The following NRG3 variants were observed in gnomAD, a reference collection of about 807,000 sequenced individuals.
The protein encoded by NRG3 is neuregulin 3, also known as pro-neuregulin-3, membrane-bound isoform.
Under a neutral mutation model 66.9 loss-of-function variants are expected in NRG3, and 31 were observed. The observed-to-expected ratio is 0.46, with a 90% CI of 0.35 to 0.63. NRG3 has a LOEUF of 0.63. Ranked by LOEUF, NRG3 falls within the 20% of genes least tolerant of loss-of-function variation. The pLI is 0.00. For missense variants in NRG3, 910 were observed against 878.9 expected (o/e 1.04, Z -0.45); for synonymous variants, 393 against 359.4 (o/e 1.09, Z -1.06).
chr10:82,536,131 C>T (rs1454500495), intron 2 of NRG3, among the ~76,000 whole-genome samples: 1 of 152,154 alleles, frequency 6.6e-6, no homozygotes, highest in Admixed American at 6.5e-5. Context: ...ATCAGTTACA[C>T]TCTAATAATT....
chr10:82,829,709 G>A (rs1168237322), intron 3 of NRG3, among the ~76,000 whole-genome samples: 2 of 152,180 alleles, frequency 1.3e-5, no homozygotes, highest in Non-Finnish European at 2.9e-5. Flanking sequence ...GTAACCTAGA[G>A]ATGAATATCG....
intron 1 of NRG3, among the ~76,000 whole-genome samples, chr10:82,202,917 A>G (rs1394625073): frequency 6.6e-6 from 1 of 152,220 alleles, no homozygotes; most frequent in Non-Finnish European, 1.5e-5. Flanking sequence ...TCCCTTAGCA[A>G]AAAAGCACAT....
chr10:82,367,733 G>A (rs879350608), intron 2 of NRG3, among the ~76,000 whole-genome samples: 5 of 152,018 alleles, frequency 3.3e-5, no homozygotes, highest in African/African-American at 9.7e-5. Flanking sequence ...GGTGGCTCAC[G>A]CTTGTAATCC....
chr10:82,475,953 T>G (rs1193811159), intron 2 of NRG3, among the ~76,000 whole-genome samples: 1 of 152,136 alleles, frequency 6.6e-6, no homozygotes, highest in Admixed American at 6.5e-5. Context: ...GATAAGCAGT[T>G]AAGGTCCAAA....
chr10:82,267,057 G>A (rs1421853920), intron 1 of NRG3, among the ~76,000 whole-genome samples: 2 of 152,130 alleles, frequency 1.3e-5, no homozygotes, highest in African/African-American at 4.8e-5. Context: ...TGGCTTCAGT[G>A]TTTTTCAAAA....
rs1312201563 is a variant in NRG3 at position 81,938,969 on chromosome 10, G to A, written c.823+62806G>A. Among the ~76,000 whole-genome samples, 4 of 151,990 alleles carry A rather than the reference G, an allele frequency of 2.6e-5. No homozygotes were observed. In the East Asian group the frequency reaches 7.7e-4, roughly 29 times the overall value. ...TTTGTTGAGCGTTTTTATCATGAAA[G>A]GGTACTTAATTTTGTCAAATTCTTT... On this transcript the variant is annotated intron_variant, in intron 1 of 8. Coordinates refer to ENST00000372141, the MANE Select transcript of NRG3 (RefSeq NM_001010848.4).
At chr10:82,770,097 T>G (rs2059659518) in intron 3 of NRG3, among the ~76,000 whole-genome samples, 1 of 152,238 alleles carries the variant, frequency 6.6e-6, no homozygotes, top group South Asian at 2.1e-4. Flanking sequence ...AAATGAGTCA[T>G]TATATTATTC....
chr10:81,965,032 A>G (rs2059679307), intron 1 of NRG3, among the ~76,000 whole-genome samples: 1 of 152,208 alleles, frequency 6.6e-6, no homozygotes, highest in African/African-American at 2.4e-5. Context: ...ATTTAATACA[A>G]AATATATACC....
intron 3 of NRG3, among the ~76,000 whole-genome samples, chr10:82,860,618 C>G (rs763008694): frequency 6.6e-6 from 1 of 152,140 alleles, no homozygotes; most frequent in Non-Finnish European, 1.5e-5. Flanking sequence ...GTTCCTGGTA[C>G]GCAGTAAGTG....
At chr10:82,860,329 A>G (rs1336917155) in intron 3 of NRG3, among the ~76,000 whole-genome samples, 1 of 152,198 alleles carries the variant, frequency 6.6e-6, no homozygotes, top group East Asian at 1.9e-4. Context: ...ACTTGAAAGC[A>G]ACTTGTTCTC....
chr10:82,131,388 C>T (rs1188219965), intron 1 of NRG3, among the ~76,000 whole-genome samples: 1 of 152,028 alleles, frequency 6.6e-6, no homozygotes. Flanking sequence ...TATTCTGTTC[C>T]ATTAGTCTAT....
intron 2 of NRG3, among the ~76,000 whole-genome samples, chr10:82,545,471 C>T (rs1449830583): frequency 6.6e-6 from 1 of 150,924 alleles, no homozygotes; most frequent in African/African-American, 2.4e-5. Flanking sequence ...CTCAGCCTCC[C>T]GGGTTCACGC....
In NRG3 at chr10:82,243,661, C is replaced by T. The variant is rs573774125; in HGVS notation, c.824-115078C>T. Among the ~76,000 whole-genome samples, 9 of 152,258 alleles carry T rather than the reference C, an allele frequency of 5.9e-5. No individual in the cohort carries two copies. The East Asian group carries it at 1.5e-3, about 26-fold the overall frequency. ...ATAACTATCTTTCGGTCTGAATTGT[C>T]ATGATTATATAAAGGTTAAGTAAAT... On this transcript the variant is annotated intron_variant, in intron 1 of 8. Coordinates refer to ENST00000372141, the MANE Select transcript of NRG3 (RefSeq NM_001010848.4).
At chr10:82,528,341 G>C (rs957309688) in intron 2 of NRG3, among the ~76,000 whole-genome samples, 1 of 152,068 alleles carries the variant, frequency 6.6e-6, no homozygotes, top group Non-Finnish European at 1.5e-5. Flanking sequence ...GTTTTGATCA[G>C]ATGAATGACA....
At chr10:82,377,760 G>C (rs2085346257) in intron 2 of NRG3, among the ~76,000 whole-genome samples, 1 of 152,170 alleles carries the variant, frequency 6.6e-6, no homozygotes, top group Admixed American at 6.5e-5. Flanking sequence ...AGTGAATCAG[G>C]CTTTCCTGGC....
At chr10:82,494,911 T>C (rs1470501645) in intron 2 of NRG3, among the ~76,000 whole-genome samples, 2 of 152,026 alleles carry the variant, frequency 1.3e-5, no homozygotes, top group Non-Finnish European at 2.9e-5. Flanking sequence ...TCAGACACCG[T>C]GATAGGCTGA....
chr10:81,974,959 C>T (rs757441261), intron 1 of NRG3, among the ~76,000 whole-genome samples: 8 of 152,134 alleles, frequency 5.3e-5, no homozygotes, highest in Non-Finnish European at 7.4e-5. Flanking sequence ...GTGACTAAAA[C>T]AAGGCAGAGT....
intron 2 of NRG3, among the ~76,000 whole-genome samples, chr10:82,403,341 C>G (rs147921090): frequency 4.4e-4 from 67 of 152,228 alleles, no homozygotes; most frequent in African/African-American, 1.4e-3. Flanking sequence ...ACACACTCCT[C>G]CCCCACTCAG....
At chr10:82,370,015 C>G (rs2084779980) in intron 2 of NRG3, among the ~76,000 whole-genome samples, 1 of 138,524 alleles carries the variant, frequency 7.2e-6, no homozygotes, top group Non-Finnish European at 1.5e-5. Flanking sequence ...GCTTTGGCTC[C>G]ACAGTGGTGT....
Sources: allele counts gnomAD v4.1 joint callset (sites outside exome capture counted in the v4.1 genomes callset), GRCh38; gene constraint gnomAD v4.1.1; transcripts MANE v1.5; gene names NCBI Gene and HGNC (gene_info 2026-07-23, HGNC 2026-07-21).